The following ATRNL1 variants were observed in gnomAD, a reference collection of about 807,000 sequenced individuals.
ATRNL1 encodes attractin-like protein 1.
A neutral mutation model predicts 182.7 loss-of-function variants in ATRNL1; 95 were observed. The ratio of observed to expected loss-of-function variants is 0.52; its 90% CI spans 0.44 to 0.62. The LOEUF (loss-of-function observed/expected upper bound fraction) is 0.62. Among genes scored for constraint, ATRNL1 ranks in the 20% least tolerant of loss-of-function variants. ATRNL1 has a pLI of 0.00. For missense variants in ATRNL1, 1,471 were observed against 1,679.5 expected, an observed-to-expected ratio of 0.88 and a Z score of 2.17; for synonymous variants, 576 against 568.3, an observed-to-expected ratio of 1.01 and a Z score of -0.19.
chr10:115,882,536 GC>G (rs1951849551), intron 28 of ATRNL1, among the ~76,000 whole-genome samples: 2 of 152,086 alleles, frequency 1.3e-5, no homozygotes, highest in Admixed American at 6.6e-5. Flanking sequence ...TGTAAGACTT[GC>G]TGTCATCTGG....
intron 13 of ATRNL1, among the ~76,000 whole-genome samples, chr10:115,270,931 A>T (rs1047219365): frequency 1.3e-5 from 2 of 152,144 alleles, no homozygotes; most frequent in African/African-American, 4.8e-5. Flanking sequence ...TCAAATGAAG[A>T]TAATAACAAG....
At chr10:115,894,284 C>T (rs190029138) in intron 28 of ATRNL1, among the ~76,000 whole-genome samples, 2 of 152,354 alleles carry the variant, frequency 1.3e-5, no homozygotes, top group Admixed American at 6.5e-5. Flanking sequence ...AGCCGAATTT[C>T]GGCTCTTGTG....
At chr10:115,288,250 T>A (rs782376315) in intron 15 of ATRNL1, among the ~76,000 whole-genome samples, 11 of 152,162 alleles carry the variant, frequency 7.2e-5, no homozygotes, top group Non-Finnish European at 1.0e-4. Flanking sequence ...TGTCCAGTAG[T>A]GGGATTGCTG....
chr10:115,501,946 G>A (rs1849862690), intron 24 of ATRNL1, among the ~76,000 whole-genome samples: 1 of 152,012 alleles, frequency 6.6e-6, no homozygotes, highest in Non-Finnish European at 1.5e-5. Flanking sequence ...ACCTGTTAGA[G>A]TTTTATAGCT....
At chr10:115,550,826 C>G (rs2804176) in intron 26 of ATRNL1, among the ~76,000 whole-genome samples, 7 of 151,578 alleles carry the variant, frequency 4.6e-5, no homozygotes, top group Middle Eastern at 3.4e-3. Flanking sequence ...CCTTCCTTCC[C>G]TAATGGAATA....
At chr10:115,613,067 A>G (rs1387729382) in intron 26 of ATRNL1, among the ~76,000 whole-genome samples, 2 of 152,222 alleles carry the variant, frequency 1.3e-5, no homozygotes, top group Non-Finnish European at 2.9e-5. Flanking sequence ...CTTTAGCAAA[A>G]TGGCCGCAAC....
chr10:115,140,729 G>A (rs1223957776), intron 5 of ATRNL1, among the ~76,000 whole-genome samples: 1 of 152,060 alleles, frequency 6.6e-6, no homozygotes, highest in East Asian at 1.9e-4. Flanking sequence ...TTCAGCTACA[G>A]TTCTCATATA....
At chr10:115,914,808 A>G (rs868954759) in intron 28 of ATRNL1, among the ~76,000 whole-genome samples, 2 of 152,328 alleles carry the variant, frequency 1.3e-5, no homozygotes, top group South Asian at 2.1e-4. Context: ...TCACACTTCT[A>G]CTGTGCCCCT....
intron 28 of ATRNL1, among the ~76,000 whole-genome samples, chr10:115,855,476 A>G (rs1408516167): frequency 2.6e-5 from 4 of 152,208 alleles, no homozygotes; most frequent in African/African-American, 9.6e-5. Context: ...CTCTGAAGGC[A>G]GTGGCAATAT....
At chr10:115,859,499 A>G (rs1218303253) in intron 28 of ATRNL1, among the ~76,000 whole-genome samples, 2 of 152,202 alleles carry the variant, frequency 1.3e-5, no homozygotes, top group Non-Finnish European at 2.9e-5. Context: ...AGGCAGGCAG[A>G]AGGGAACTCC....
At chr10:115,628,557 A>G (rs1858262998) in intron 26 of ATRNL1, among the ~76,000 whole-genome samples, 1 of 152,164 alleles carries the variant, frequency 6.6e-6, no homozygotes. Context: ...ATATTATTTA[A>G]TGCACAAAAG....
intron 3 of ATRNL1, among the ~76,000 whole-genome samples, chr10:115,123,113 T>A (rs1300085849): frequency 6.6e-6 from 1 of 152,238 alleles, no homozygotes; most frequent in Non-Finnish European, 1.5e-5. Flanking sequence ...GGAAGATAAT[T>A]AGCAGGTGAG....
intron 19 of ATRNL1, among the ~76,000 whole-genome samples, chr10:115,384,056 T>G (rs924411915): frequency 6.6e-6 from 1 of 152,024 alleles, no homozygotes; most frequent in Non-Finnish European, 1.5e-5. Context: ...AAATTAAAAT[T>G]ATTTAATTAG....
intron 26 of ATRNL1, among the ~76,000 whole-genome samples, chr10:115,581,448 T>G (rs1205939712): frequency 1.3e-5 from 2 of 152,100 alleles, no homozygotes; most frequent in Non-Finnish European, 2.9e-5. Context: ...TCCTGCACTC[T>G]CATTTGAACT....
chr10:115,298,887 C>T (rs1853333238), intron 15 of ATRNL1, among the ~76,000 whole-genome samples: 1 of 151,854 alleles, frequency 6.6e-6, no homozygotes, highest in Admixed American at 6.6e-5. Context: ...ATCCAAGAAA[C>T]ATTTGTTGAG....
intron 28 of ATRNL1, among the ~76,000 whole-genome samples, chr10:115,911,916 A>G (rs1952690789): frequency 6.6e-6 from 1 of 152,124 alleles, no homozygotes; most frequent in Non-Finnish European, 1.5e-5. Context: ...CTATTATTTC[A>G]GTAACTCATT....
rs139524040 is a variant in ATRNL1, at chr10:115,506,501, C to T, written c.3655-12762C>T. 1.4e-3 allele frequency among the ~76,000 whole-genome samples: 217 copies of T among 152,166 alleles called. 2 individuals are homozygous for T. The highest frequency in any genetic ancestry group is 5.0e-3 in the African/African-American group (206 of 41,550). On this transcript the variant is annotated intron_variant, in intron 24 of 28. Transcript: ENST00000355044. ...TGGGTCTCAGGCTGAAGACCGTACTCTACCAGCCTAGAAGCTGGAAAAAAA... is the reference window on the plus strand; with the variant it reads ...TGGGTCTCAGGCTGAAGACCGTACTTTACCAGCCTAGAAGCTGGAAAAAAA...
Position 115,944,801 on chromosome 10 carries a change from T to C in ATRNL1, c.*22T>C, listed in dbSNP as rs782173014. ...CTGAGAAATGGAAACCGCTCCTGTA[T>C]ATTCTGTACTGTTTTACTTCGGGCT... On this transcript the variant is annotated 3_prime_UTR_variant, in exon 29 of 29. Transcript: ENST00000355044. The C allele has an allele frequency of 6.2e-7, 1 of 1,606,606 alleles. No homozygotes were observed. The highest frequency in any genetic ancestry group is 1.7e-5 in the Admixed American group (1 of 59,060).
At chr10:115,114,221 C>T (rs1187247385) in intron 1 of ATRNL1, among the ~76,000 whole-genome samples, 1 of 152,060 alleles carries the variant, frequency 6.6e-6, no homozygotes, top group Non-Finnish European at 1.5e-5. Flanking sequence ...TGAAATTAAA[C>T]CCTTATCTGA....
Sources: allele counts gnomAD v4.1 joint callset (sites outside exome capture counted in the v4.1 genomes callset), GRCh38; gene constraint gnomAD v4.1.1; transcripts MANE v1.5; gene names NCBI Gene and HGNC (gene_info 2026-07-23, HGNC 2026-07-21).